Variants in TTC16 observed in about 807,000 individuals in gnomAD.
The protein encoded by TTC16 is tetratricopeptide repeat domain 16.
A neutral mutation model predicts 80.4 loss-of-function variants in TTC16; 66 were observed. The observed-to-expected ratio is 0.82, with a 90% CI of 0.67 to 1.01. TTC16 has a LOEUF of 1.01. Among genes scored for constraint, TTC16 ranks in the 50% least tolerant of loss-of-function variants. TTC16 has a pLI of 0.00. For synonymous variants in TTC16, 438 were observed against 451.3 expected (o/e 0.97, Z 0.37); for missense variants, 1,070 against 1,103.2 (o/e 0.97, Z 0.43).
chr9:127,724,159 A>C lies in TTC16; in HGVS notation c.912A>C (p.Ala304=). ...GACGGCTCCAGGAGTTCGATGGGGC[A>C]GTGGAGGACTTCCTGAAGGTGCTGG... The part of the protein sequence containing the change: ...MYRRLQEFDG[A]VEDFLKVLDM... Residue 304 remains alanine, a synonymous_variant, in exon 8 of 14, where the codon GCA becomes GCC. Coordinates refer to ENST00000373289, the MANE Select transcript of TTC16 (RefSeq NM_144965.3). 6.2e-7 allele frequency: 1 copy of C among 1,612,980 alleles called. No individual in the cohort carries two copies. The highest frequency in any genetic ancestry group is 8.5e-7 in the Non-Finnish European group (1 of 1,179,888).
In TTC16 at chr9:127,726,569, C is replaced by T. The variant is rs549832844; in HGVS notation, c.1425+165C>T. ...TTGGGAGCCCAAGGCGGGTGGATCA[C>T]TTGAGGTCAGGAGTTCGAGACCCAC... On this transcript the variant is annotated intron_variant, in intron 10 of 13. Coordinates refer to ENST00000373289, the MANE Select transcript of TTC16 (RefSeq NM_144965.3). Among the ~76,000 whole-genome samples the T allele has an allele frequency of 4.6e-5, 7 of 152,212 alleles. No individual in the cohort carries two copies. The South Asian group carries it at 1.5e-3, about 32-fold the overall frequency.
Position 127,724,114 on chromosome 9 carries a change from C to G in TTC16, c.873-6C>G. 7 of 1,600,260 alleles carry G rather than the reference C, an allele frequency of 4.4e-6. No individual in the cohort carries two copies. Among genetic ancestry groups the G allele is most frequent in the South Asian group, 1.1e-5 (1 of 89,490 alleles). On this transcript the variant is annotated splice_region_variant and splice_polypyrimidine_tract_variant and intron_variant, in intron 7 of 13. Transcript: ENST00000373289. ...CTCCTGCCGTCTCCCACGCCCCCCC[C>G]GACAGGGGCACCATGTACCGACGGC...
At chr9:127,724,068 G>A in intron 7 of TTC16, 52 bp from the exon 8 acceptor site, 2 of 1,495,252 alleles carry the variant, frequency 1.3e-6, no homozygotes, top group Non-Finnish European at 1.8e-6. Flanking sequence ...AGTCGGTGGG[G>A]GTGCACTGGC....
rs905222029 is a variant in TTC16 at position 127,723,204 on chromosome 9, T to C, written c.743T>C (p.Val248Ala). ...GCCAGGATGCTGCTCCAGAAGATGG[T>C]GGCCCAGGCCCAGCAGGCGCGCCAA... ...PQARMLLQKMVAQAQQARQDA... is the reference protein window; with the variant it reads ...PQARMLLQKMAAQAQQARQDA... Residue 248 changes from valine (V) to alanine (A), a missense_variant, in exon 7 of 14, where the codon GTG becomes GCG. By Grantham distance (64) the Val-to-Ala change is moderately conservative. Coordinates refer to ENST00000373289, the MANE Select transcript of TTC16 (RefSeq NM_144965.3). 15 of 1,612,734 alleles carry C rather than the reference T, an allele frequency of 9.3e-6. No individual in the cohort carries two copies. The highest frequency in any genetic ancestry group is 6.7e-5 in the African/African-American group (5 of 74,946).
At chr9:127,717,842 G>T in intron 4 of TTC16, 70 bp downstream of exon 4, 1 of 1,528,866 alleles carries the variant, frequency 6.5e-7, no homozygotes, top group Non-Finnish European at 8.8e-7. Flanking sequence ...CTGGCTCCTG[G>T]GCCCAGCTCT....
intron 4 of TTC16, 55 bp from the exon 5 acceptor site, chr9:127,720,023 G>A: frequency 6.6e-7 from 1 of 1,517,490 alleles, no homozygotes; most frequent in Non-Finnish European, 9.1e-7. Flanking sequence ...TGCCAACTGG[G>A]GGGTGCAGCT....
chr9:127,725,352 C>A (rs1024193468), intron 9 of TTC16, among the ~76,000 whole-genome samples: 2 of 151,088 alleles, frequency 1.3e-5, no homozygotes, highest in Admixed American at 1.3e-4. Context: ...ATCACAAGGT[C>A]AGGAGATCGA....
Position 127,724,919 on chromosome 9 carries a change from C to G in TTC16, c.1259+22C>G. ...GCAAGTGCGTGGGCTCCCGCCCCCACGGTGGGCGGGGCAGGCCCGAGGGCA... is the reference window on the plus strand; with the variant it reads ...GCAAGTGCGTGGGCTCCCGCCCCCAGGGTGGGCGGGGCAGGCCCGAGGGCA... On this transcript the variant is annotated intron_variant, in intron 9 of 13. Transcript: ENST00000373289. 3.4e-6 allele frequency: 5 copies of G among 1,486,810 alleles called. No homozygotes were observed. The African/African-American group carries it at 4.2e-5, about 13-fold the overall frequency. 92.1% of individuals were successfully genotyped at this position (1,486,810 alleles called of 1,614,324 possible).
chr9:127,725,358 A>C (rs967303408), intron 9 of TTC16, among the ~76,000 whole-genome samples: 1 of 150,996 alleles, frequency 6.6e-6, no homozygotes, highest in African/African-American at 2.4e-5. Context: ...AGGTCAGGAG[A>C]TCGAGACCAT....
chr9:127,720,102 G>A lies in TTC16; in HGVS notation c.451G>A (p.Ala151Thr), dbSNP rs965935627. ...LQGQCLFEQC[A>T]FLDALNVFSH... is the part of the protein sequence containing the mutation. The stretch of plus-strand genomic sequence containing the variant: ...GGGACAATGCCTTTTTGAGCAGTGT[G>A]CCTTCCTGGATGCCCTGAATGTCTT... Residue 151 changes from alanine (A) to threonine (T), a missense_variant, in exon 5 of 14, where the codon GCC becomes ACC. By Grantham distance (58) the Ala-to-Thr change is moderately conservative. Transcript: ENST00000373289. 2 of 1,613,732 alleles carry A rather than the reference G, an allele frequency of 1.2e-6. No individual in the cohort carries two copies. The highest frequency in any genetic ancestry group is 2.7e-5 in the African/African-American group (2 of 74,900).
At position 127,717,770 on chromosome 9, in the gene TTC16, C is replaced by G; in HGVS notation, c.424C>G (p.Gln142Glu). Residue 142 changes from glutamine to glutamate, a missense_variant and splice_region_variant, in exon 4 of 14, where the codon CAG (glutamine) becomes GAG (glutamate). Physicochemically the swap from Gln to Glu is conservative, Grantham distance 29. Coordinates refer to ENST00000373289, the MANE Select transcript of TTC16 (RefSeq NM_144965.3). Reference protein sequence around the residue: ...LERLTFVLYLQGQCLFEQCAF... With the variant: ...LERLTFVLYLEGQCLFEQCAF... ...GCGCCTCACCTTTGTGCTCTACCTA[C>G]AGGTGCCTGGGGCCTCCCGGGCCCA... The G allele has an allele frequency of 1.2e-6, 2 of 1,612,408 alleles. No homozygotes were observed. The highest frequency in any genetic ancestry group is 1.7e-6 in the Non-Finnish European group (2 of 1,179,454).
intron 12 of TTC16, chr9:127,729,362 C>A: frequency 1.9e-6 from 1 of 531,278 alleles, no homozygotes; most frequent in Non-Finnish European, 3.4e-6. Flanking sequence ...GCTCCTTCAA[C>A]ACAACCGTTC....
intron 1 of TTC16, 94 bp downstream of exon 1, chr9:127,716,257 A>G (rs1842998511): frequency 1.9e-6 from 3 of 1,571,428 alleles, no homozygotes; most frequent in Admixed American, 1.7e-5. Context: ...CGGGAGAGGC[A>G]GGGGCAGCAG....
chr9:127,718,525 C>T lies in TTC16; in HGVS notation c.426+753C>T, dbSNP rs956934995. On this transcript the variant is annotated intron_variant, in intron 4 of 13. Coordinates refer to ENST00000373289, the MANE Select transcript of TTC16 (RefSeq NM_144965.3). The surrounding 1 kb of genome is among the most constrained non-coding windows in gnomAD (Gnocchi z 4.6). ...GTCACAGTGACCCCTAAGTGTATTT[C>T]AAAGGAAAAACAATATTAAACTATA... Among the ~76,000 whole-genome samples, 10 of 152,008 alleles carry T rather than the reference C, an allele frequency of 6.6e-5. No individual in the cohort carries two copies. The highest frequency in any genetic ancestry group is 2.4e-4 in the African/African-American group (10 of 41,390).
intron 13 of TTC16, chr9:127,730,096 G>A (rs1433757055): frequency 4.7e-6 from 1 of 213,548 alleles, no homozygotes; most frequent in Non-Finnish European, 9.5e-6. Flanking sequence ...TTCATTTTGT[G>A]AATCCAGCAA....
chr9:127,717,476 C>T, intron 3 of TTC16, 52 bp downstream of exon 3: 1 of 1,587,574 alleles, frequency 6.3e-7, no homozygotes. Context: ...ATGCTTCCTC[C>T]CTCCCTGTCG....
At chr9:127,723,728 C>T in intron 7 of TTC16, among the ~76,000 whole-genome samples, 1 of 152,188 alleles carries the variant, frequency 6.6e-6, no homozygotes, top group African/African-American at 2.4e-5. Context: ...CAATCTCTCC[C>T]TATGCCAAGG....
At chr9:127,727,656 G>A (rs1485553619) in intron 12 of TTC16, 191 bp downstream of exon 12, 12 of 1,248,362 alleles carry the variant, frequency 9.6e-6, no homozygotes, top group East Asian at 2.6e-5. Flanking sequence ...TGCTCCTGAC[G>A]GAGGGTGTGT....
Position 127,731,312 on chromosome 9 carries a change from A to G in TTC16, c.2529A>G (p.Ser843=). 2 of 1,613,156 alleles carry G rather than the reference A, an allele frequency of 1.2e-6. No homozygotes were observed. Among genetic ancestry groups the G allele is most frequent in the Non-Finnish European group, 1.7e-6 (2 of 1,180,030 alleles). ...GAQGKSQGMS[S]TSSKAESTWG... ...AGGGCAAGAGCCAGGGCATGAGCTC[A>G]ACTTCCAGCAAGGCCGAGTCCACCT... The change falls in exon 14 of 14, where the codon TCA becomes TCG. Residue 843 remains serine (S), a synonymous_variant. Transcript: ENST00000373289.
Sources: allele counts gnomAD v4.1 joint callset (sites outside exome capture counted in the v4.1 genomes callset), GRCh38; gene constraint gnomAD v4.1.1; non-coding constraint Gnocchi (gnomAD v3.1); transcripts MANE v1.5; gene names NCBI Gene and HGNC (gene_info 2026-07-23, HGNC 2026-07-21).